Variants in KCNN2 observed in about 807,000 individuals in gnomAD.
KCNN2 encodes potassium calcium-activated channel subfamily N member 2.
Under a neutral mutation model 55.5 loss-of-function variants are expected in KCNN2, and 24 were observed. The observed-to-expected ratio is 0.43, with a 90% CI of 0.31 to 0.61. KCNN2 has a LOEUF of 0.61. Among genes scored for constraint, KCNN2 ranks in the 20% least tolerant of loss-of-function variants. The pLI, the probability that KCNN2 is intolerant of heterozygous loss-of-function variation, is 0.08. For missense variants in KCNN2, 754 were observed against 853.6 expected (o/e 0.88, Z 1.45); for synonymous variants, 431 against 336.1 (o/e 1.28, Z -3.09).
At chr5:114,284,315 T>C (rs552614552) in intron 2 of KCNN2, among the ~76,000 whole-genome samples, 1 of 152,314 alleles carries the variant, frequency 6.6e-6, no homozygotes, top group South Asian at 2.1e-4. Flanking sequence ...TGAAAGCCTG[T>C]GTGTATGAAT....
chr5:114,328,781 G>C (rs1756755122), intron 2 of KCNN2, among the ~76,000 whole-genome samples: 1 of 152,150 alleles, frequency 6.6e-6, no homozygotes, highest in African/African-American at 2.4e-5. Context: ...CTAGATTATT[G>C]TTTAGGCAAC....
At chr5:114,387,292 G>T (rs1561601035) in intron 2 of KCNN2, among the ~76,000 whole-genome samples, 1 of 152,132 alleles carries the variant, frequency 6.6e-6, no homozygotes, top group Non-Finnish European at 1.5e-5. Context: ...GCCACTTAAT[G>T]TCTATTTTGT....
intron 2 of KCNN2, among the ~76,000 whole-genome samples, chr5:114,223,966 C>G (rs1346637412): frequency 6.6e-6 from 1 of 152,120 alleles, no homozygotes; most frequent in Non-Finnish European, 1.5e-5. Flanking sequence ...ATCAGTTGTA[C>G]TATTGGAACA....
intron 1 of KCNN2, among the ~76,000 whole-genome samples, chr5:114,107,499 C>T (rs372766135): frequency 6.6e-6 from 1 of 152,204 alleles, no homozygotes; most frequent in East Asian, 1.9e-4. Flanking sequence ...ATCCTTCTAC[C>T]TCAGCCTCCT....
At chr5:114,289,156 G>C (rs981910371) in intron 2 of KCNN2, among the ~76,000 whole-genome samples, 1 of 152,064 alleles carries the variant, frequency 6.6e-6, no homozygotes, top group East Asian at 1.9e-4. Context: ...ATTAGTAATA[G>C]AAGTATGGGT....
intron 6 of KCNN2, chr5:114,490,598 C>T (rs1300265371): frequency 5.0e-6 from 2 of 397,190 alleles, no homozygotes; most frequent in African/African-American, 4.1e-5. Context: ...CCCTTGTGCA[C>T]AACTGAACAC....
intron 2 of KCNN2, among the ~76,000 whole-genome samples, chr5:114,346,263 C>G (rs773927015): frequency 1.3e-5 from 2 of 152,144 alleles, no homozygotes; most frequent in East Asian, 3.9e-4. Context: ...GAGAAATTTG[C>G]CTTCATGACG....
At position 114,252,881 on chromosome 5, in the gene KCNN2, A is replaced by G. The variant is rs116697685; in HGVS notation, c.-185+31316A>G. Reference sequence around the variant, plus strand: ...GGACTGAAAAGAGAAATGGCAGTCAATGCTGTCATTTTTGCTAATATTTCC... The same window carrying G: ...GGACTGAAAAGAGAAATGGCAGTCAGTGCTGTCATTTTTGCTAATATTTCC... On this transcript the variant is annotated intron_variant, in intron 2 of 10. Transcript: ENST00000512097. 2.8e-3 allele frequency among the ~76,000 whole-genome samples: 426 copies of G among 152,106 alleles called. 3 individuals are homozygous for G. Among genetic ancestry groups the G allele is most frequent in the African/African-American group, 9.4e-3 (388 of 41,492 alleles).
chr5:114,341,690 A>G (rs1757018098), intron 2 of KCNN2, among the ~76,000 whole-genome samples: 1 of 152,162 alleles, frequency 6.6e-6, no homozygotes, highest in Non-Finnish European at 1.5e-5. Flanking sequence ...TAAAAAAGAC[A>G]TTTCTATAAA....
chr5:114,237,676 G>A lies in KCNN2; in HGVS notation c.-185+16111G>A, dbSNP rs1580648029. 9.2e-5 allele frequency among the ~76,000 whole-genome samples: 14 copies of A among 152,182 alleles called. No individual in the cohort carries two copies. In the South Asian group the frequency reaches 2.5e-3, roughly 27 times the overall value. On this transcript the variant is annotated intron_variant, in intron 2 of 10. Coordinates refer to the KCNN2 transcript ENST00000512097. ...TAAAGTTTGAAACACACTGGCACAG[G>A]CAATTTCTCAGGTCCCTTACTGCCC...
chr5:114,417,915 G>C lies in KCNN2; in HGVS notation c.1637+13059G>C, dbSNP rs1002624338. 2.0e-5 allele frequency among the ~76,000 whole-genome samples: 3 copies of C among 152,260 alleles called. No homozygotes were observed. The South Asian group carries it at 6.2e-4, about 32-fold the overall frequency. On this transcript the variant is annotated intron_variant, in intron 3 of 7. Transcript: ENST00000673685. ...CAGAGCCCAGAGCCCTTTAATATCT[G>C]GGTCAGATAAAACCTTACAAGTCAT... is the stretch of plus-strand genomic sequence containing the variant.
At chr5:114,357,288 A>G (rs1757312408), upstream of KCNN2, among the ~76,000 whole-genome samples, 2 of 149,754 alleles carry the variant, frequency 1.3e-5, no homozygotes, top group Non-Finnish European at 2.9e-5. Flanking sequence ...AGTGCAAACA[A>G]CATGAAATTT....
chr5:114,166,693 A>G (rs967620773), intron 1 of KCNN2, among the ~76,000 whole-genome samples: 2 of 152,174 alleles, frequency 1.3e-5, no homozygotes, highest in African/African-American at 4.8e-5. Flanking sequence ...AAGCCTCCAG[A>G]CACATGTAGA....
intron 4 of KCNN2, among the ~76,000 whole-genome samples, chr5:114,464,909 T>G (rs1761371261): frequency 6.6e-6 from 1 of 152,122 alleles, no homozygotes; most frequent in African/African-American, 2.4e-5. Context: ...GTATAATGCT[T>G]TGGGAAATGT....
At chr5:114,079,189 C>T (rs760919180) in intron 1 of KCNN2, among the ~76,000 whole-genome samples, 2 of 152,132 alleles carry the variant, frequency 1.3e-5, no homozygotes, top group Non-Finnish European at 2.9e-5. Context: ...AAGTTTGTTT[C>T]TGCTTCATCA....
At chr5:114,071,115 A>G (rs1257936686) in intron 1 of KCNN2, among the ~76,000 whole-genome samples, 2 of 152,238 alleles carry the variant, frequency 1.3e-5, no homozygotes, top group Admixed American at 1.3e-4. Context: ...CAACAGTAGA[A>G]TCTACTCTGG....
chr5:114,471,635 C>T (rs1018578558), intron 4 of KCNN2, among the ~76,000 whole-genome samples: 3 of 152,188 alleles, frequency 2.0e-5, no homozygotes, highest in Non-Finnish European at 2.9e-5. Context: ...TGTCTCATCT[C>T]TAAAATCAGA....
At chr5:114,085,692 C>A (rs1189894813) in intron 1 of KCNN2, among the ~76,000 whole-genome samples, 1 of 151,936 alleles carries the variant, frequency 6.6e-6, no homozygotes, top group African/African-American at 2.4e-5. Context: ...GTTTCGAGTG[C>A]ACTTGAAAAT....
At chr5:114,080,351 T>C (rs1750785458) in intron 1 of KCNN2, among the ~76,000 whole-genome samples, 1 of 152,242 alleles carries the variant, frequency 6.6e-6, no homozygotes, top group Non-Finnish European at 1.5e-5. Flanking sequence ...CTCTCATCCA[T>C]GTTCTGAAAG....
Sources: gnomAD v4.1 joint callset for allele counts (sites outside exome capture counted in the v4.1 genomes callset) on GRCh38, gnomAD v4.1.1 for gene constraint, MANE v1.5 for transcripts, NCBI Gene and HGNC (gene_info 2026-07-23, HGNC 2026-07-21) for gene names.